Variants in DAPK2 observed in about 807,000 individuals in gnomAD.
DAPK2 encodes death associated protein kinase 2.
In DAPK2, 35 loss-of-function variants were observed where a neutral mutation model predicts 44.1. The observed-to-expected ratio is 0.79, with a 90% CI of 0.61 to 1.05. The LOEUF (loss-of-function observed/expected upper bound fraction) is 1.05, where lower values mean the gene tolerates loss of function less well. DAPK2 is among the 50% of genes least tolerant of loss of function. DAPK2 has a pLI of 0.00. For missense variants in DAPK2, 453 were observed against 483.2 expected, an observed-to-expected ratio of 0.94 and a Z score of 0.59; for synonymous variants, 174 against 182.6, an observed-to-expected ratio of 0.95 and a Z score of 0.38.
intron 2 of DAPK2, among the ~76,000 whole-genome samples, chr15:63,977,038 C>T (rs977008034): frequency 2.0e-5 from 3 of 152,054 alleles, no homozygotes; most frequent in Admixed American, 6.5e-5. Flanking sequence ...CTAATCCAGA[C>T]TGTGAAACAG....
chr15:63,929,735 C>A (rs1449487860), intron 5 of DAPK2, 158 bp from the exon 7 acceptor site: 1 of 833,424 alleles, frequency 1.2e-6, no homozygotes, highest in Admixed American at 2.0e-5. Flanking sequence ...TCCTGCTCTT[C>A]AGCAGCAGCC....
At chr15:63,965,496 A>G (rs2078029260) in intron 3 of DAPK2, among the ~76,000 whole-genome samples, 1 of 152,198 alleles carries the variant, frequency 6.6e-6, no homozygotes, top group Non-Finnish European at 1.5e-5. Flanking sequence ...GGGCTCTACA[A>G]TAGGCAGGTG....
chr15:64,002,974 CTGTGTG>C lies in DAPK2; in HGVS notation c.93-19226_93-19221del, dbSNP rs58879927. The stretch of plus-strand genomic sequence containing the variant: ...TGTGTGTGTGTGTGTGTCGTGGGAC[CTGTGTG>C]TGTGTGTGTGTGTGTGTGTGTGTGT... On this transcript the variant is annotated intron_variant, in intron 1 of 10. Transcript: ENST00000261891. 2.8e-3 allele frequency among the ~76,000 whole-genome samples: 144 copies of C among 51,640 alleles called. 4 individuals are homozygous for C. The highest frequency in any genetic ancestry group is 0.023 in the East Asian group (25 of 1,072). 33.9% of individuals were successfully genotyped at this position (51,640 alleles called of 152,430 possible).
chr15:63,945,751 T>C (rs1256113064), intron 3 of DAPK2, among the ~76,000 whole-genome samples: 3 of 152,232 alleles, frequency 2.0e-5, no homozygotes, highest in Admixed American at 1.3e-4. Context: ...AGGCAGTGGA[T>C]GGCATCCAAA....
At chr15:63,927,559 GGGTGTGAGTTA>G (rs1488873738) in intron 6 of DAPK2, among the ~76,000 whole-genome samples, 2 of 152,170 alleles carry the variant, frequency 1.3e-5, no homozygotes, top group Admixed American at 1.3e-4. Context: ...TGGTTCCACT[GGGTGTGAGTTA>G]GGTGTATGGT....
intron 1 of DAPK2, among the ~76,000 whole-genome samples, chr15:64,024,107 A>C (rs375854927): frequency 3.9e-5 from 6 of 152,318 alleles, no homozygotes; most frequent in African/African-American, 7.2e-5. Context: ...CAGAAGTCAA[A>C]GAAGCAGAGG....
intron 1 of DAPK2, among the ~76,000 whole-genome samples, chr15:63,986,221 T>C (rs1324574879): frequency 1.3e-5 from 2 of 152,250 alleles, no homozygotes; most frequent in Non-Finnish European, 2.9e-5. Flanking sequence ...CAGAGACTTA[T>C]GCTTTCACCT....
intron 1 of DAPK2, among the ~76,000 whole-genome samples, chr15:64,024,711 T>C (rs2079788604): frequency 6.6e-6 from 1 of 152,154 alleles, no homozygotes. Flanking sequence ...GCCCAGTCCA[T>C]CTTGTCTCTT....
At chr15:63,920,937 C>G (rs907661707) in intron 8 of DAPK2, 1 of 152,444 alleles carries the variant, frequency 6.6e-6, no homozygotes, top group African/African-American at 2.4e-5. Context: ...GTTGGCTTAG[C>G]TGACCTCCGT....
chr15:63,930,431 G>A (rs1567211836), exon 5 of DAPK2: 2 of 1,614,176 alleles, frequency 1.2e-6, no homozygotes, highest in South Asian at 1.1e-5. Flanking sequence ...CAGACCCAGG[G>A]GCTCGTAGTT....
At chr15:64,007,278 C>A (rs370294383) in intron 1 of DAPK2, among the ~76,000 whole-genome samples, 25 of 152,068 alleles carry the variant, frequency 1.6e-4, no homozygotes, top group Admixed American at 4.6e-4. Flanking sequence ...CTTTCTCATT[C>A]CCTTTCACAC....
rs767785564 is a variant in DAPK2 at position 63,966,101 on chromosome 15, A to T, written c.453+5322T>A. Among the ~76,000 whole-genome samples, 38 of 152,232 alleles carry T rather than the reference A, an allele frequency of 2.5e-4. No individual in the cohort carries two copies. The highest frequency in any genetic ancestry group is 5.8e-4 in the East Asian group (3 of 5,172). On this transcript the variant is annotated intron_variant, in intron 3 of 10. Coordinates refer to ENST00000261891, the Ensembl canonical transcript of DAPK2. This position sits in a 1 kb window ranked among gnomAD's most constrained non-coding sequence, Gnocchi z 5.5. ...ATCTCTGAGTGATACACTGGATGTC[A>T]CTGCTGACTATTCAGGGCCCAGGGC...
At chr15:63,913,754 C>G (rs2078856594) in intron 8 of DAPK2, among the ~76,000 whole-genome samples, 1 of 152,184 alleles carries the variant, frequency 6.6e-6, no homozygotes, top group Non-Finnish European at 1.5e-5. Context: ...CCCCTGCTGC[C>G]CATCCCCCTG....
intron 2 of DAPK2, among the ~76,000 whole-genome samples, chr15:63,982,347 C>T (rs972512738): frequency 2.6e-5 from 4 of 152,026 alleles, no homozygotes; most frequent in Non-Finnish European, 5.9e-5. Flanking sequence ...CCTGCCACCA[C>T]ACCCGGCTAA....
At chr15:63,913,745 C>A (rs1218157605) in intron 8 of DAPK2, among the ~76,000 whole-genome samples, 1 of 152,208 alleles carries the variant, frequency 6.6e-6, no homozygotes, top group Non-Finnish European at 1.5e-5. Flanking sequence ...CCATGGCAGC[C>A]CCTGCTGCCC....
chr15:64,018,547 A>G (rs2079597180), intron 1 of DAPK2, among the ~76,000 whole-genome samples: 1 of 152,152 alleles, frequency 6.6e-6, no homozygotes, highest in Admixed American at 6.5e-5. Flanking sequence ...CCAGCAGATG[A>G]AAGTCCCTCC....
At chr15:63,947,589 C>A (rs2077482123) in intron 3 of DAPK2, among the ~76,000 whole-genome samples, 1 of 152,170 alleles carries the variant, frequency 6.6e-6, no homozygotes, top group Non-Finnish European at 1.5e-5. Context: ...AGTTATTGAA[C>A]CTCTCTCAGC....
chr15:63,986,542 C>T (rs1330705086), intron 1 of DAPK2, among the ~76,000 whole-genome samples: 1 of 152,198 alleles, frequency 6.6e-6, no homozygotes, highest in Non-Finnish European at 1.5e-5. Flanking sequence ...CTCCCAACCT[C>T]AGCCTCCCGA....
intron 7 of DAPK2, among the ~76,000 whole-genome samples, 181 bp downstream of exon 8, chr15:63,925,760 T>C (rs535278393): frequency 1.6e-4 from 24 of 149,766 alleles, no homozygotes; most frequent in African/African-American, 5.9e-4. Flanking sequence ...GCAGAAAGAC[T>C]TGAGCAAACA....
Sources: allele counts gnomAD v4.1 joint callset (sites outside exome capture counted in the v4.1 genomes callset), GRCh38; gene constraint gnomAD v4.1.1; non-coding constraint Gnocchi (gnomAD v3.1); transcripts MANE v1.5; gene names NCBI Gene and HGNC (gene_info 2026-07-23, HGNC 2026-07-21).